Variants in STK32C observed in about 807,000 individuals in gnomAD.
STK32C encodes the protein serine/threonine-protein kinase 32C.
In STK32C, 31 loss-of-function variants were observed where a neutral mutation model predicts 56.5. That is an observed-to-expected ratio of 0.55 (90% CI 0.41 to 0.74). The LOEUF is 0.74. STK32C is among the 30% of genes least tolerant of loss of function. The pLI, the probability that STK32C is intolerant of heterozygous loss-of-function variation, is 0.00. For missense variants in STK32C, 544 were observed against 676.9 expected (o/e 0.80, Z 2.18); for synonymous variants, 309 against 289.4 (o/e 1.07, Z -0.69).
rs1476543159 is a variant in STK32C at position 132,226,813 on chromosome 10, C to T, written c.626G>A (p.Gly209Asp). 6.2e-7 allele frequency: 1 copy of T among 1,612,974 alleles called. No individual in the cohort carries two copies. Residue 209 changes from glycine to aspartate, a missense_variant, in exon 4 of 12, where the codon GGC (glycine) becomes GAC (aspartate). Physicochemically the swap from Gly to Asp is moderately conservative, Grantham distance 94. Around this residue, in one of 3 missense-constraint regions of STK32C, gnomAD observed 85 missense variants for 149.9 expected, o/e 0.57. Transcript: ENST00000298630. ...EMALALDYLR[G>D]QHIIHRDVKP... ...CACACACCTGTGGATGATGTGCTGG[C>T]CGCGCAGGTAGTCCAGAGCCAGTGC...
At chr10:132,297,832 G>T (rs1181361778) in intron 1 of STK32C, among the ~76,000 whole-genome samples, 1 of 152,202 alleles carries the variant, frequency 6.6e-6, no homozygotes, top group Non-Finnish European at 1.5e-5. Flanking sequence ...GGTCTCTGGG[G>T]CTTTATTTTC....
intron 1 of STK32C, among the ~76,000 whole-genome samples, chr10:132,300,314 A>C (rs2065874915): frequency 2.0e-5 from 3 of 152,182 alleles, no homozygotes; most frequent in South Asian, 2.1e-4. Context: ...AATAACATCG[A>C]GATGGGTTTC....
chr10:132,240,862 C>G (rs948849153), intron 2 of STK32C, among the ~76,000 whole-genome samples: 1 of 152,076 alleles, frequency 6.6e-6, no homozygotes, highest in Non-Finnish European at 1.5e-5. Context: ...GCCAGCCGTG[C>G]CACCGAGAAA....
At chr10:132,216,225 G>A (rs1476524360) in intron 10 of STK32C, among the ~76,000 whole-genome samples, 1 of 152,188 alleles carries the variant, frequency 6.6e-6, no homozygotes, top group Non-Finnish European at 1.5e-5. Flanking sequence ...AGCACTTTGG[G>A]AGGTTAAGGC....
chr10:132,266,949 C>T (rs910990786), intron 1 of STK32C, among the ~76,000 whole-genome samples: 1 of 152,104 alleles, frequency 6.6e-6, no homozygotes, highest in African/African-American at 2.4e-5. Flanking sequence ...CGGACGAGGC[C>T]GCAGAGGAAC....
chr10:132,293,661 C>T (rs146688463), intron 1 of STK32C, among the ~76,000 whole-genome samples: 3 of 152,214 alleles, frequency 2.0e-5, no homozygotes, highest in South Asian at 2.1e-4. Context: ...GCAGAGGGAA[C>T]GCAGGGCAGG....
At chr10:132,313,193 G>A (rs1358132400) in intron 1 of STK32C, among the ~76,000 whole-genome samples, 2 of 152,174 alleles carry the variant, frequency 1.3e-5, no homozygotes, top group Non-Finnish European at 2.9e-5. Context: ...TAAGACAAAC[G>A]GAATGGCTCT....
At chr10:132,330,550 G>T (rs1377892670) in intron 1 of STK32C, 2 of 714,712 alleles carry the variant, frequency 2.8e-6, no homozygotes, top group Non-Finnish European at 5.2e-6. Flanking sequence ...CGCTGTCACC[G>T]AAGCTGACAT....
intron 2 of STK32C, among the ~76,000 whole-genome samples, chr10:132,235,205 A>C (rs1304757335): frequency 6.6e-6 from 1 of 152,176 alleles, no homozygotes; most frequent in Non-Finnish European, 1.5e-5. Context: ...CAGATATGTT[A>C]AAAGAAATCA....
At chr10:132,304,870 C>A (rs1248557868) in intron 1 of STK32C, among the ~76,000 whole-genome samples, 1 of 152,246 alleles carries the variant, frequency 6.6e-6, no homozygotes, top group Admixed American at 6.5e-5. Flanking sequence ...AAGGCAAAGC[C>A]CCTCAGGGAG....
At chr10:132,281,904 G>C (rs534176302) in intron 1 of STK32C, among the ~76,000 whole-genome samples, 22,112 of 152,106 alleles carry the variant, frequency 0.15, 2,932 homozygotes, top group African/African-American at 0.36. Context: ...GTGGGGTCTG[G>C]GGGGAAGAGA....
Position 132,307,696 on chromosome 10 carries a change from C to A in STK32C, c.138G>T (p.Arg46=). 2.7e-6 allele frequency: 4 copies of A among 1,489,866 alleles called. No homozygotes were observed. Among genetic ancestry groups the A allele is most frequent in the Non-Finnish European group, 3.6e-6 (4 of 1,117,018 alleles). 92.3% of individuals were successfully genotyped at this position (1,489,866 alleles called of 1,614,324 possible). The change falls in exon 1 of 12, where the codon CGG becomes CGT. Residue 46 remains arginine (R), a synonymous_variant. Transcript: ENST00000298630. The surrounding 1 kb of genome is among the most constrained non-coding windows in gnomAD (Gnocchi z 4.4). ...GCTGCGAGCGGACATCGCCCGAGTC[C>A]CGGGCCCGGGGCTGGCCAGCAGCGG... ...PPPAAGQPRA[R]DSGDVRSQPR... is the part of the protein sequence containing the mutation.
chr10:132,208,627 G>GA (rs2062183268), intron 11 of STK32C, among the ~76,000 whole-genome samples: 1 of 152,210 alleles, frequency 6.6e-6, no homozygotes, highest in African/African-American at 2.4e-5. Context: ...GGCAGCTGCT[G>GA]CTATTTCTGG....
intron 10 of STK32C, among the ~76,000 whole-genome samples, chr10:132,222,436 C>T (rs1225574127): frequency 1.3e-5 from 2 of 152,218 alleles, no homozygotes; most frequent in Non-Finnish European, 2.9e-5. Context: ...CCCTGGTTGT[C>T]CCTGCCCACC....
intron 1 of STK32C, among the ~76,000 whole-genome samples, chr10:132,275,373 T>A (rs2064964845): frequency 6.6e-6 from 1 of 151,930 alleles, no homozygotes; most frequent in South Asian, 2.1e-4. Context: ...GGTCCAGGGG[T>A]CTGGGATGAA....
chr10:132,239,680 G>T (rs1001078962), intron 2 of STK32C, among the ~76,000 whole-genome samples: 1 of 152,222 alleles, frequency 6.6e-6, no homozygotes, highest in African/African-American at 2.4e-5. Flanking sequence ...CCCCTGCCCC[G>T]GGAGCCCGGC....
At position 132,228,045 on chromosome 10, in the gene STK32C, C is replaced by A; in HGVS notation, c.402G>T (p.Glu134Asp). The change falls in exon 3 of 12, where the codon GAG becomes GAT. Residue 134 changes from glutamate (E) to aspartate (D), a missense_variant. Glu to Asp is a conservative substitution (Grantham distance 45). This residue lies in a region of STK32C where 182 missense variants were observed against 217.7 expected (regional missense o/e 0.84). Coordinates refer to ENST00000298630, the MANE Select transcript of STK32C (RefSeq NM_173575.4). ...CCAGCTCCCGGAAGACGTTGCGGAC[C>A]TCGTCGCGCTCGATGCACTGCTGCT... is the stretch of plus-strand genomic sequence containing the variant. ...MNKQQCIERDEVRNVFRELEI... is the reference protein window; with the variant it reads ...MNKQQCIERDDVRNVFRELEI... 6.2e-7 allele frequency: 1 copy of A among 1,613,996 alleles called. No homozygotes were observed. The highest frequency in any genetic ancestry group is 2.2e-5 in the East Asian group (1 of 44,866).
chr10:132,262,686 GT>G (rs2064342258), intron 1 of STK32C, among the ~76,000 whole-genome samples: 1 of 150,446 alleles, frequency 6.6e-6, no homozygotes, highest in South Asian at 2.1e-4. Context: ...GCTGAGGTGT[GT>G]GGATCACGAG....
Position 132,248,937 on chromosome 10 carries a change from C to T in STK32C, c.263-2982G>A, listed in dbSNP as rs537988840. The T allele has an allele frequency of 4.8e-5, 22 of 456,510 alleles. No individual in the cohort carries two copies. In the East Asian group the frequency reaches 1.3e-3, roughly 26 times the overall value. 28.3% of individuals were successfully genotyped at this position (456,510 alleles called of 1,614,324 possible). A position where few individuals can be genotyped will look rare whatever the true frequency, so the allele number is the denominator to read the frequency against. ...ACAAGTTCCCAAGGTTAGTCCCTCC[C>T]GGAGAGGAAAAGGATGGGAAACAAA... On this transcript the variant is annotated intron_variant, in intron 1 of 11. Coordinates refer to ENST00000298630, the MANE Select transcript of STK32C (RefSeq NM_173575.4).
Sources: gnomAD v4.1 joint callset for allele counts (sites outside exome capture counted in the v4.1 genomes callset) on GRCh38, gnomAD v4.1.1 for gene constraint, gnomAD v4.1.1 regional missense constraint, Gnocchi (gnomAD v3.1) non-coding constraint, MANE v1.5 for transcripts, NCBI Gene and HGNC (gene_info 2026-07-23, HGNC 2026-07-21) for gene names.